HCN1: variants seen among roughly 807,000 people sequenced by gnomAD.
The protein encoded by HCN1 is potassium/sodium hyperpolarization-activated cyclic nucleotide-gated channel 1.
A neutral mutation model predicts 78.9 loss-of-function variants in HCN1; 13 were observed. The ratio of observed to expected loss-of-function variants is 0.16; its 90% CI spans 0.11 to 0.26. HCN1 has a LOEUF of 0.26. HCN1 is among the 10% of genes least tolerant of loss of function. The pLI, the probability that HCN1 is intolerant of heterozygous loss-of-function variation, is 1.00. For synonymous variants in HCN1, 552 were observed against 455.5 expected, an observed-to-expected ratio of 1.21 and a Z score of -2.70; for missense variants, 810 against 1,154.3, an observed-to-expected ratio of 0.70 and a Z score of 4.32.
chr5:45,262,395 C>A lies in HCN1; in HGVS notation c.2199G>T (p.Gln733His). 1 of 1,611,690 alleles carries A rather than the reference C, an allele frequency of 6.2e-7. No homozygotes were observed. Residue 733 changes from glutamine (Q) to histidine (H), a missense_variant, in exon 8 of 8, where the codon CAG becomes CAT. Around this residue, in one of 6 missense-constraint regions of HCN1, gnomAD observed 398 missense variants for 381.3 expected, o/e 1.04. Coordinates refer to ENST00000303230, the MANE Select transcript of HCN1 (RefSeq NM_021072.4). ...GGGACTGCTGTACCTGCTGCTGCGG[C>A]TGCTGTTGCATGAGTGACAGCTGGG... ...TASQLSLMQQ[Q>H]PQQQVQQSQP...
chr5:45,298,320 A>G (rs1579789239), intron 6 of HCN1, among the ~76,000 whole-genome samples: 1 of 152,158 alleles, frequency 6.6e-6, no homozygotes, highest in South Asian at 2.1e-4. Context: ...TCACCATGTG[A>G]TACCCTGCAC....
At chr5:45,415,810 G>C (rs1168551961) in intron 3 of HCN1, among the ~76,000 whole-genome samples, 1 of 152,016 alleles carries the variant, frequency 6.6e-6, no homozygotes, top group Non-Finnish European at 1.5e-5. Context: ...TAAGGGCATA[G>C]ACCATGTCCT....
chr5:45,515,182 A>C (rs1216124804), intron 2 of HCN1, among the ~76,000 whole-genome samples: 5 of 151,156 alleles, frequency 3.3e-5, no homozygotes, highest in Non-Finnish European at 7.4e-5. Context: ...CTGCTGCTAC[A>C]CTTCTACATC....
At chr5:45,269,224 G>A (rs939403066) in intron 6 of HCN1, among the ~76,000 whole-genome samples, 14 of 152,154 alleles carry the variant, frequency 9.2e-5, no homozygotes, top group Admixed American at 8.5e-4. Context: ...CCTGATTTGT[G>A]GTGATGGTTT....
At chr5:45,326,308 C>A (rs1173913982) in intron 5 of HCN1, among the ~76,000 whole-genome samples, 1 of 151,486 alleles carries the variant, frequency 6.6e-6, no homozygotes, top group Non-Finnish European at 1.5e-5. Flanking sequence ...TATATGTATT[C>A]CCTTCAAATA....
chr5:45,343,365 G>A (rs1376931418), intron 5 of HCN1, among the ~76,000 whole-genome samples: 3 of 152,214 alleles, frequency 2.0e-5, no homozygotes, highest in Admixed American at 6.5e-5. Flanking sequence ...GGTAGTCAGA[G>A]AAATCAGACC....
rs575509525 is a variant in HCN1 at position 45,337,057 on chromosome 5, A to G, written c.1377+16043T>C. On this transcript the variant is annotated intron_variant, in intron 5 of 7. Coordinates refer to ENST00000303230, the MANE Select transcript of HCN1 (RefSeq NM_021072.4). ...AACCAACATATTTTCTATCTATTCC[A>G]TGAATGTGATTGGGTTATAGTGATT... Among the ~76,000 whole-genome samples the G allele has an allele frequency of 1.1e-4, 17 of 152,132 alleles. No individual in the cohort carries two copies. The South Asian group carries it at 3.3e-3, about 30-fold the overall frequency.
Position 45,262,287 on chromosome 5 carries a change from C to T in HCN1, c.2307G>A (p.Lys769=). ...TGGTGTTGTGAAGCGCCTGCGTGCT[C>T]TTGTGCACTTCATTTTTCGGCGTGG... ...GSSTPKNEVH[K]STQALHNTNL... Residue 769 remains lysine (K), a synonymous_variant, in exon 8 of 8, where the codon AAG becomes AAA. Coordinates refer to ENST00000303230, the MANE Select transcript of HCN1 (RefSeq NM_021072.4). 1 of 1,613,996 alleles carries T rather than the reference C, an allele frequency of 6.2e-7. No homozygotes were observed. Among genetic ancestry groups the T allele is most frequent in the Non-Finnish European group, 8.5e-7 (1 of 1,180,008 alleles).
chr5:45,512,095 C>T (rs147741710), intron 2 of HCN1, among the ~76,000 whole-genome samples: 16 of 152,172 alleles, frequency 1.1e-4, no homozygotes, highest in African/African-American at 3.8e-4. Context: ...GTGTGAGCAA[C>T]TAGCCAGCTT....
chr5:45,581,553 G>C (rs1193920177), intron 2 of HCN1, among the ~76,000 whole-genome samples: 1 of 152,020 alleles, frequency 6.6e-6, no homozygotes, highest in Non-Finnish European at 1.5e-5. Context: ...TTTTGGCTTT[G>C]GTTGCTATTG....
At chr5:45,459,396 G>A (rs1333807751) in intron 3 of HCN1, among the ~76,000 whole-genome samples, 1 of 140,230 alleles carries the variant, frequency 7.1e-6, no homozygotes, top group Admixed American at 7.2e-5. Context: ...ATGTAAATCT[G>A]CAGCCAAAAA....
intron 2 of HCN1, among the ~76,000 whole-genome samples, chr5:45,498,586 G>A (rs933612722): frequency 6.6e-6 from 1 of 152,154 alleles, no homozygotes; most frequent in African/African-American, 2.4e-5. Flanking sequence ...CTCTCAGCTC[G>A]TCAAAGTCAT....
intron 2 of HCN1, among the ~76,000 whole-genome samples, chr5:45,551,562 T>C (rs1370250365): frequency 6.6e-6 from 1 of 151,838 alleles, no homozygotes; most frequent in Non-Finnish European, 1.5e-5. Context: ...TTCTTTATTT[T>C]CAAAAAAGAA....
intron 2 of HCN1, among the ~76,000 whole-genome samples, chr5:45,568,611 A>T (rs1335337106): frequency 6.6e-6 from 1 of 152,092 alleles, no homozygotes; most frequent in Non-Finnish European, 1.5e-5. Context: ...TATTATTATT[A>T]GTTTTAAAAA....
At chr5:45,555,292 C>G (rs1743448090) in intron 2 of HCN1, among the ~76,000 whole-genome samples, 1 of 151,588 alleles carries the variant, frequency 6.6e-6, no homozygotes, top group Non-Finnish European at 1.5e-5. Context: ...CCCATTTACA[C>G]TTGCTACAAA....
intron 5 of HCN1, among the ~76,000 whole-genome samples, chr5:45,334,149 A>T (rs1284704634): frequency 6.6e-6 from 1 of 151,916 alleles, no homozygotes; most frequent in African/African-American, 2.4e-5. Flanking sequence ...CTTATATTTT[A>T]GTTGTATTTG....
intron 2 of HCN1, among the ~76,000 whole-genome samples, chr5:45,516,053 C>T (rs1248408952): frequency 6.6e-6 from 1 of 151,862 alleles, no homozygotes; most frequent in Admixed American, 6.6e-5. Flanking sequence ...TATCCCAGCC[C>T]TATTCTTATT....
chr5:45,271,600 T>C (rs930516867), intron 6 of HCN1, among the ~76,000 whole-genome samples: 1 of 152,172 alleles, frequency 6.6e-6, no homozygotes, highest in African/African-American at 2.4e-5. Context: ...CTTAACTCTG[T>C]AACTAACTTA....
intron 2 of HCN1, among the ~76,000 whole-genome samples, chr5:45,554,012 A>G (rs1743424052): frequency 6.6e-6 from 1 of 151,858 alleles, no homozygotes; most frequent in African/African-American, 2.4e-5. Context: ...TTATTACTAA[A>G]TCCCAACATC....
Sources: allele counts gnomAD v4.1 joint callset (sites outside exome capture counted in the v4.1 genomes callset), GRCh38; gene constraint gnomAD v4.1.1; regional missense constraint gnomAD v4.1.1; transcripts MANE v1.5; gene names NCBI Gene and HGNC (gene_info 2026-07-23, HGNC 2026-07-21).